The following UNC5D variants were observed in gnomAD, a reference collection of about 807,000 sequenced individuals.
UNC5D encodes unc-5 netrin receptor D, also known as netrin receptor UNC5D.
In UNC5D, 39 loss-of-function variants were observed where a neutral mutation model predicts 105.4. That is an observed-to-expected ratio of 0.37 (90% CI 0.29 to 0.48). The LOEUF (loss-of-function observed/expected upper bound fraction) is 0.48, where lower values mean the gene tolerates loss of function less well. Ranked by LOEUF, UNC5D falls within the 20% of genes least tolerant of loss-of-function variation. UNC5D has a pLI of 0.98. For missense variants in UNC5D, 991 were observed against 1,202.4 expected (o/e 0.82, Z 2.60); for synonymous variants, 452 against 450.4 (o/e 1.00, Z -0.04).
intron 1 of UNC5D, among the ~76,000 whole-genome samples, chr8:35,390,099 G>T (rs932457935): frequency 6.6e-6 from 1 of 152,176 alleles, no homozygotes; most frequent in East Asian, 1.9e-4. Context: ...AGAAGGCAAA[G>T]GGGGAGCAGG....
chr8:35,460,158 C>A (rs959452939), intron 1 of UNC5D, among the ~76,000 whole-genome samples: 23 of 152,150 alleles, frequency 1.5e-4, no homozygotes, highest in African/African-American at 5.6e-4. Context: ...TATTTACTCC[C>A]AGAAAAATTA....
chr8:35,768,999 T>C (rs16884409), intron 15 of UNC5D, among the ~76,000 whole-genome samples: 7,279 of 152,316 alleles, frequency 0.048, 442 homozygotes, highest in African/African-American at 0.14. Context: ...GGTTGTCATC[T>C]TCATTTTGTA....
chr8:35,460,918 G>T (rs1808841232), intron 1 of UNC5D, among the ~76,000 whole-genome samples: 1 of 152,302 alleles, frequency 6.6e-6, no homozygotes, highest in East Asian at 1.9e-4. Context: ...CCTCCATCCA[G>T]TGGTCTATTT....
intron 1 of UNC5D, among the ~76,000 whole-genome samples, chr8:35,410,264 C>A (rs1805081582): frequency 6.6e-6 from 1 of 151,816 alleles, no homozygotes; most frequent in African/African-American, 2.4e-5. Flanking sequence ...CATATACTGT[C>A]AGCTAGGGAA....
chr8:35,537,037 T>C (rs569926082), intron 1 of UNC5D, among the ~76,000 whole-genome samples: 2 of 152,212 alleles, frequency 1.3e-5, no homozygotes, highest in African/African-American at 2.4e-5. Flanking sequence ...AAAGGTGTTA[T>C]TGGTATCATT....
At chr8:35,330,796 A>T (rs1810560174) in intron 1 of UNC5D, among the ~76,000 whole-genome samples, 1 of 152,130 alleles carries the variant, frequency 6.6e-6, no homozygotes, top group Non-Finnish European at 1.5e-5. Flanking sequence ...GGCCTCCTTA[A>T]TGCGCGGATG....
intron 1 of UNC5D, among the ~76,000 whole-genome samples, chr8:35,384,832 T>A (rs1408631878): frequency 1.3e-5 from 2 of 152,186 alleles, no homozygotes; most frequent in African/African-American, 4.8e-5. Context: ...TTTACATCTG[T>A]GAGTTGACAG....
In UNC5D at chr8:35,621,338, C is replaced by A. The variant is rs1821351376; in HGVS notation, c.570+25681C>A. On this transcript the variant is annotated intron_variant, in intron 4 of 16. Transcript: ENST00000404895. ...AGTGAGTATCACGCCTCATCTCTCTCTATAACCATCCCATAGCAGAGTACC... is the reference window on the plus strand; with the variant it reads ...AGTGAGTATCACGCCTCATCTCTCTATATAACCATCCCATAGCAGAGTACC... Among the ~76,000 whole-genome samples, 5 of 152,186 alleles carry A rather than the reference C, an allele frequency of 3.3e-5. No homozygotes were observed. In the South Asian group the frequency reaches 1.0e-3, roughly 32 times the overall value.
At chr8:35,396,053 A>G (rs1356482196) in intron 1 of UNC5D, among the ~76,000 whole-genome samples, 1 of 152,218 alleles carries the variant, frequency 6.6e-6, no homozygotes, top group South Asian at 2.1e-4. Flanking sequence ...TTTAATATTA[A>G]TAATTTAGTA....
At chr8:35,386,238 C>G (rs1181305473) in intron 1 of UNC5D, among the ~76,000 whole-genome samples, 1 of 152,144 alleles carries the variant, frequency 6.6e-6, no homozygotes, top group Admixed American at 6.5e-5. Context: ...CAAACCCTAT[C>G]AGAGCATCAT....
chr8:35,423,803 T>A (rs149535294), intron 1 of UNC5D, among the ~76,000 whole-genome samples: 2,673 of 151,880 alleles, frequency 0.018, 29 homozygotes, highest in Non-Finnish European at 0.028. Flanking sequence ...TGAAGTGACT[T>A]AAGAAATAAT....
At chr8:35,466,285 A>G (rs1370876525) in intron 1 of UNC5D, among the ~76,000 whole-genome samples, 3 of 152,208 alleles carry the variant, frequency 2.0e-5, no homozygotes, top group African/African-American at 7.2e-5. Flanking sequence ...CCAGATTCTT[A>G]CAGTCAGAAT....
rs181986191 is a variant in UNC5D, at chr8:35,254,519, C to G, written c.103+18632C>G. ...TGAAGAGACACATATATGGTAGGTC[C>G]AAGACCATTACACTTACTGAGTCCA... is the stretch of plus-strand genomic sequence containing the variant. On this transcript the variant is annotated intron_variant, in intron 1 of 16. Transcript: ENST00000404895. The G allele has an allele frequency of 4.8e-4, 73 of 152,172 alleles. 1 individual carries two copies. Among genetic ancestry groups the G allele is most frequent in the African/African-American group, 1.6e-3 (68 of 41,508 alleles). 9.4% of individuals were successfully genotyped at this position (152,172 alleles called of 1,614,324 possible). A position where few individuals can be genotyped will look rare whatever the true frequency, so the allele number is the denominator to read the frequency against.
intron 1 of UNC5D, among the ~76,000 whole-genome samples, chr8:35,444,112 C>A (rs548987645): frequency 7.9e-5 from 12 of 152,016 alleles, no homozygotes; most frequent in African/African-American, 2.9e-4. Context: ...TTTCACCCAT[C>A]TCTGAATGTT....
chr8:35,507,223 A>AT (rs1812381562), intron 1 of UNC5D, among the ~76,000 whole-genome samples: 1 of 150,484 alleles, frequency 6.6e-6, no homozygotes, highest in South Asian at 2.1e-4. Flanking sequence ...GCCCGGCTAA[A>AT]TTTTTGTATT....
intron 7 of UNC5D, among the ~76,000 whole-genome samples, chr8:35,704,101 C>A (rs951893932): frequency 3.3e-5 from 5 of 152,176 alleles, no homozygotes; most frequent in Non-Finnish European, 1.5e-5. Flanking sequence ...TCAACATCAA[C>A]AAATTATTAT....
Position 35,775,604 on chromosome 8 carries a change from ATT to A in UNC5D, c.2657+1137_2657+1138del, listed in dbSNP as rs374504072. On this transcript the variant is annotated intron_variant, in intron 16 of 16. Coordinates refer to ENST00000404895, the MANE Select transcript of UNC5D (RefSeq NM_080872.4). ...TTTTATTTCTCTTTCCTTTGGTACT[ATT>A]TTTTTTTTTCTTTCAGGCAAAACCT... 2.5e-3 allele frequency among the ~76,000 whole-genome samples: 368 copies of A among 146,048 alleles called. 2 individuals are homozygous for A. Among genetic ancestry groups the A allele is most frequent in the African/African-American group, 8.4e-3 (337 of 40,080 alleles).
chr8:35,438,982 G>C (rs955911386), intron 1 of UNC5D, among the ~76,000 whole-genome samples: 3 of 151,916 alleles, frequency 2.0e-5, no homozygotes, highest in Non-Finnish European at 2.9e-5. Context: ...TGGACGCAGG[G>C]GGCCAGAAAT....
intron 1 of UNC5D, among the ~76,000 whole-genome samples, chr8:35,335,888 C>T (rs887799152): frequency 2.6e-5 from 4 of 151,252 alleles, no homozygotes; most frequent in Non-Finnish European, 4.4e-5. Context: ...CTCAGCCTCC[C>T]GAGTAGCTGG....
Sources: gnomAD v4.1 joint callset for allele counts (sites outside exome capture counted in the v4.1 genomes callset) on GRCh38, gnomAD v4.1.1 for gene constraint, MANE v1.5 for transcripts, NCBI Gene and HGNC (gene_info 2026-07-23, HGNC 2026-07-21) for gene names.